Variants in KHDRBS3 observed in about 807,000 individuals in gnomAD.
KHDRBS3 encodes KH domain-containing, RNA-binding, signal transduction-associated protein 3.
KHDRBS3 carries 23 observed loss-of-function variants against 45.6 expected under a neutral mutation model. The ratio of observed to expected loss-of-function variants is 0.50; its 90% confidence interval spans 0.36 to 0.72. KHDRBS3 has a LOEUF of 0.72. Among genes scored for constraint, KHDRBS3 ranks in the 30% least tolerant of loss-of-function variants. The pLI is 0.00. For missense variants in KHDRBS3, 352 were observed against 424.8 expected, an observed-to-expected ratio of 0.83 and a Z score of 1.51; for synonymous variants, 162 against 156.5, an observed-to-expected ratio of 1.04 and a Z score of -0.26.
intron 7 of KHDRBS3, among the ~76,000 whole-genome samples, chr8:135,643,338 C>G (rs1418193516): frequency 1.3e-5 from 2 of 152,136 alleles, no homozygotes; most frequent in African/African-American, 4.8e-5. Flanking sequence ...TGGAGGTGCC[C>G]CTTCTCCGTA....
intron 7 of KHDRBS3, among the ~76,000 whole-genome samples, chr8:135,639,851 C>G (rs1830985693): frequency 6.6e-6 from 1 of 152,190 alleles, no homozygotes; most frequent in Non-Finnish European, 1.5e-5. Context: ...CATGAGGGAT[C>G]TGCCCCCGAT....
intron 4 of KHDRBS3, 176 bp downstream of exon 4, chr8:135,549,076 T>C (rs1200133835): frequency 2.5e-6 from 1 of 407,264 alleles, no homozygotes; most frequent in Non-Finnish European, 4.3e-6. Context: ...TTATTCCTTA[T>C]GTATATATGA....
At chr8:135,518,107 A>G (rs1434944980) in intron 1 of KHDRBS3, among the ~76,000 whole-genome samples, 1 of 152,204 alleles carries the variant, frequency 6.6e-6, no homozygotes. Flanking sequence ...TTCTGAATTA[A>G]TGGATTTAAA....
chr8:135,473,682 T>C (rs1405578598), intron 1 of KHDRBS3, among the ~76,000 whole-genome samples: 1 of 152,138 alleles, frequency 6.6e-6, no homozygotes, highest in African/African-American at 2.4e-5. Context: ...TTCTTACTTA[T>C]TTATTTATTT....
At chr8:135,537,098 C>T (rs1190342945) in intron 2 of KHDRBS3, among the ~76,000 whole-genome samples, 1 of 149,852 alleles carries the variant, frequency 6.7e-6, no homozygotes, top group Non-Finnish European at 1.5e-5. Context: ...AAGCAGTGAA[C>T]ACACAGGCCT....
intron 5 of KHDRBS3, among the ~76,000 whole-genome samples, chr8:135,569,289 GA>G (rs1376474653): frequency 6.6e-6 from 1 of 152,128 alleles, no homozygotes; most frequent in African/African-American, 2.4e-5. Flanking sequence ...TGAAGATTTA[GA>G]ATCATTAACT....
At chr8:135,650,658 A>G (rs1831410820), downstream of KHDRBS3, among the ~76,000 whole-genome samples, 1 of 152,192 alleles carries the variant, frequency 6.6e-6, no homozygotes, top group South Asian at 2.1e-4. Context: ...ATGTTGTTAT[A>G]CTGTCATTCT....
At chr8:135,548,496 G>T (rs1286302132) in intron 3 of KHDRBS3, among the ~76,000 whole-genome samples, 1 of 152,074 alleles carries the variant, frequency 6.6e-6, no homozygotes, top group African/African-American at 2.4e-5. Flanking sequence ...AGATGATGGG[G>T]CTCCTACAAG....
intron 3 of KHDRBS3, among the ~76,000 whole-genome samples, chr8:135,547,797 G>A (rs959245940): frequency 2.6e-5 from 4 of 152,088 alleles, no homozygotes; most frequent in African/African-American, 2.4e-5. Flanking sequence ...TCAGATTCCT[G>A]TTAATCTTAA....
At chr8:135,593,503 G>C (rs1405765024) in intron 6 of KHDRBS3, 1 of 152,168 alleles carries the variant, frequency 6.6e-6, no homozygotes, top group Middle Eastern at 3.1e-3. Flanking sequence ...GTTGAGACAG[G>C]GTCTTGTTCT....
intron 4 of KHDRBS3, chr8:135,549,978 CAA>C (rs1342227043): frequency 2.0e-5 from 3 of 152,050 alleles, no homozygotes; most frequent in African/African-American, 7.2e-5. Context: ...AGTTTAAAAA[CAA>C]AATTTCTAAG....
chr8:135,484,391 A>G lies in KHDRBS3; in HGVS notation c.88+26437A>G, dbSNP rs140088834. ...AAGAATGGAAGACTTTGGCTGACCC[A>G]CTGCCTGACACCTGGGCTAGGCCCC... On this transcript the variant is annotated intron_variant, in intron 1 of 8. Transcript: ENST00000355849. Among the ~76,000 whole-genome samples the G allele has an allele frequency of 7.0e-3, 1,065 of 152,302 alleles. 9 individuals carry two copies. Among genetic ancestry groups the G allele is most frequent in the Non-Finnish European group, 0.011 (767 of 68,026 alleles).
At chr8:135,596,258 G>T (rs117844551) in intron 6 of KHDRBS3, among the ~76,000 whole-genome samples, 1,555 of 152,320 alleles carry the variant, frequency 0.01, 14 homozygotes, top group Middle Eastern at 0.054. Context: ...GAGAAAGACT[G>T]CAATGAGCTT....
intron 1 of KHDRBS3, among the ~76,000 whole-genome samples, chr8:135,482,226 C>T (rs576062641): frequency 3.0e-4 from 45 of 152,296 alleles, no homozygotes; most frequent in African/African-American, 1.0e-3. Context: ...TGTATAACCT[C>T]AGAGTTGCTG....
intron 7 of KHDRBS3, chr8:135,625,326 G>C: frequency 9.5e-7 from 1 of 1,051,502 alleles, no homozygotes; most frequent in Non-Finnish European, 1.5e-6. Flanking sequence ...ATGTTCTATA[G>C]CTTTCCGAAG....
At chr8:135,630,877 A>C (rs895446105) in intron 7 of KHDRBS3, among the ~76,000 whole-genome samples, 1 of 152,210 alleles carries the variant, frequency 6.6e-6, no homozygotes, top group Non-Finnish European at 1.5e-5. Flanking sequence ...GTGAGTGACT[A>C]TGAAGGCCTG....
At chr8:135,546,641 GTT>G (rs894470186) in intron 3 of KHDRBS3, among the ~76,000 whole-genome samples, 1 of 152,066 alleles carries the variant, frequency 6.6e-6, no homozygotes, top group African/African-American at 2.4e-5. Flanking sequence ...TCCTAAAGAC[GTT>G]TTGTTTGTTA....
chr8:135,488,605 T>C (rs750666561), intron 1 of KHDRBS3, among the ~76,000 whole-genome samples: 1 of 152,224 alleles, frequency 6.6e-6, no homozygotes, highest in Non-Finnish European at 1.5e-5. Flanking sequence ...TGAAAAATTA[T>C]GTCATCCTTA....
chr8:135,621,505 T>C (rs1198454139), intron 7 of KHDRBS3, among the ~76,000 whole-genome samples: 1 of 152,244 alleles, frequency 6.6e-6, no homozygotes, highest in Non-Finnish European at 1.5e-5. Flanking sequence ...AGAATATAAG[T>C]GCCTAACATA....
Sources: gnomAD v4.1 joint callset for allele counts (sites outside exome capture counted in the v4.1 genomes callset) on GRCh38, gnomAD v4.1.1 for gene constraint, MANE v1.5 for transcripts, NCBI Gene and HGNC (gene_info 2026-07-23, HGNC 2026-07-21) for gene names.